The following MAGI1 variants were observed in gnomAD, a reference collection of about 807,000 sequenced individuals.
MAGI1 encodes the protein membrane-associated guanylate kinase, WW and PDZ domain-containing protein 1.
In MAGI1, 58 loss-of-function variants were observed where a neutral mutation model predicts 139.9. The observed-to-expected ratio is 0.41, with a 90% CI of 0.34 to 0.52. The LOEUF (loss-of-function observed/expected upper bound fraction) is 0.52. Ranked by LOEUF, MAGI1 falls within the 20% of genes least tolerant of loss-of-function variation. The pLI is 0.12. For missense variants in MAGI1, 1,874 were observed against 1,901.6 expected, an observed-to-expected ratio of 0.99 and a Z score of 0.27; for synonymous variants, 812 against 737.9, an observed-to-expected ratio of 1.10 and a Z score of -1.63.
Position 65,646,081 on chromosome 3 carries a change from T to G in MAGI1, c.314-23993A>C, listed in dbSNP as rs537239630. Among the ~76,000 whole-genome samples, 6 of 152,084 alleles carry G rather than the reference T, an allele frequency of 3.9e-5. 1 individual carries two copies. In the South Asian group the frequency reaches 1.2e-3, roughly 32 times the overall value. ...ATAATTACATGAAGTGTAAATCACC[T>G]AAACACACCAATTAAAAGACAGAGG... On this transcript the variant is annotated intron_variant, in intron 1 of 22. Coordinates refer to ENST00000402939, the MANE Select transcript of MAGI1 (RefSeq NM_001033057.2).
intron 9 of MAGI1, among the ~76,000 whole-genome samples, chr3:65,439,055 G>A (rs1948050542): frequency 6.6e-6 from 1 of 152,022 alleles, no homozygotes; most frequent in South Asian, 2.1e-4. Context: ...TATATTGATG[G>A]GAGTATTAAG....
At chr3:65,827,280 G>A (rs1386788801) in intron 1 of MAGI1, among the ~76,000 whole-genome samples, 2 of 152,040 alleles carry the variant, frequency 1.3e-5, no homozygotes, top group Non-Finnish European at 1.5e-5. Flanking sequence ...TCAGAATGTC[G>A]AAAGTTGATG....
chr3:65,542,079 G>T (rs568133057), intron 2 of MAGI1, among the ~76,000 whole-genome samples: 1 of 152,236 alleles, frequency 6.6e-6, no homozygotes, highest in East Asian at 1.9e-4. Flanking sequence ...AAAGTCTCAG[G>T]ATAGAAAATC....
chr3:65,952,554 C>T (rs2063916095), intron 1 of MAGI1, among the ~76,000 whole-genome samples: 1 of 152,256 alleles, frequency 6.6e-6, no homozygotes, highest in Admixed American at 6.5e-5. Flanking sequence ...GTGGCTCGCG[C>T]CTGTAATCCC....
chr3:65,430,885 G>C lies in MAGI1; in HGVS notation c.1364-4C>G. ...TTTCGTGTAAAAAAGGGTTTGCCTG[G>C]ATTAAAATAAGAAACGCATAAGGAA... On this transcript the variant is annotated splice_region_variant and splice_polypyrimidine_tract_variant and intron_variant, in intron 10 of 22. Transcript: ENST00000402939. 1 of 1,612,364 alleles carries C rather than the reference G, an allele frequency of 6.2e-7. No individual in the cohort carries two copies. Among genetic ancestry groups the C allele is most frequent in the Non-Finnish European group, 8.5e-7 (1 of 1,179,286 alleles).
At chr3:65,714,403 C>T (rs1254545824) in intron 1 of MAGI1, among the ~76,000 whole-genome samples, 1 of 152,006 alleles carries the variant, frequency 6.6e-6, no homozygotes, top group African/African-American at 2.4e-5. Context: ...AGGCAGATTC[C>T]CCCAGCTCAG....
intron 12 of MAGI1, among the ~76,000 whole-genome samples, chr3:65,420,149 G>A (rs766485555): frequency 1.3e-5 from 2 of 152,138 alleles, no homozygotes; most frequent in Middle Eastern, 3.4e-3. Flanking sequence ...GTTACTGAGA[G>A]CCTGTCCCTT....
At chr3:65,686,307 GT>G (rs370100551) in intron 1 of MAGI1, among the ~76,000 whole-genome samples, 223 of 151,958 alleles carry the variant, frequency 1.5e-3, no homozygotes, top group African/African-American at 4.8e-3. Flanking sequence ...TTGTTTGTTT[GT>G]TTTTTTGGCA....
intron 1 of MAGI1, among the ~76,000 whole-genome samples, chr3:65,888,933 A>T (rs264713): frequency 0.069 from 10,533 of 152,240 alleles, 1,198 homozygotes; most frequent in African/African-American, 0.24. Flanking sequence ...TACAGATGCC[A>T]TATATGTGTG....
intron 1 of MAGI1, among the ~76,000 whole-genome samples, chr3:65,792,526 G>C (rs373244760): frequency 6.6e-6 from 1 of 151,932 alleles, no homozygotes; most frequent in East Asian, 1.9e-4. Context: ...AAAACTAATA[G>C]AATAGCTAAT....
chr3:65,864,428 T>A (rs1003314370), intron 1 of MAGI1, among the ~76,000 whole-genome samples: 1 of 152,162 alleles, frequency 6.6e-6, no homozygotes, highest in African/African-American at 2.4e-5. Flanking sequence ...GTGGAGGAAG[T>A]GGCCTGCTTT....
At chr3:65,481,132 T>C (rs1343596469) in intron 3 of MAGI1, among the ~76,000 whole-genome samples, 3 of 152,180 alleles carry the variant, frequency 2.0e-5, no homozygotes, top group African/African-American at 7.2e-5. Context: ...AACTCAATCA[T>C]TCAAGTGTTT....
At chr3:65,626,014 T>C (rs2083950399) in intron 1 of MAGI1, among the ~76,000 whole-genome samples, 1 of 152,198 alleles carries the variant, frequency 6.6e-6, no homozygotes, top group African/African-American at 2.4e-5. Flanking sequence ...GCTTGAGGTA[T>C]AAGGCACTCT....
intron 2 of MAGI1, among the ~76,000 whole-genome samples, chr3:65,604,404 A>G (rs1421046030): frequency 6.6e-6 from 1 of 151,940 alleles, no homozygotes; most frequent in Non-Finnish European, 1.5e-5. Flanking sequence ...GAGAAAGGCA[A>G]GCAAAACAAA....
At chr3:65,640,721 T>C (rs969014878) in intron 1 of MAGI1, among the ~76,000 whole-genome samples, 5 of 152,232 alleles carry the variant, frequency 3.3e-5, no homozygotes, top group African/African-American at 1.2e-4. Flanking sequence ...TCTCCGAATA[T>C]ATTGCTTATA....
At chr3:66,037,569 C>T (rs1159502279) in intron 1 of MAGI1, among the ~76,000 whole-genome samples, 1 of 151,920 alleles carries the variant, frequency 6.6e-6, no homozygotes, top group Admixed American at 6.5e-5. Flanking sequence ...ACTACAGACC[C>T]TCTCTTTCTG....
intron 2 of MAGI1, among the ~76,000 whole-genome samples, chr3:65,528,369 T>C (rs2107830794): frequency 6.6e-6 from 1 of 152,302 alleles, no homozygotes; most frequent in African/African-American, 2.4e-5. Flanking sequence ...ATAGCCGAAG[T>C]CCTTCATTCA....
chr3:65,611,383 A>G (rs1300893447), intron 2 of MAGI1, among the ~76,000 whole-genome samples: 1 of 143,512 alleles, frequency 7.0e-6, no homozygotes, highest in East Asian at 2.1e-4. Context: ...ACATATATAC[A>G]GAACACTGTA....
At chr3:65,505,142 C>T (rs1277007490) in intron 2 of MAGI1, among the ~76,000 whole-genome samples, 1 of 152,144 alleles carries the variant, frequency 6.6e-6, no homozygotes, top group Non-Finnish European at 1.5e-5. Flanking sequence ...CAGATAGACT[C>T]TCTCCATTAT....
Sources: allele counts gnomAD v4.1 joint callset (sites outside exome capture counted in the v4.1 genomes callset), GRCh38; gene constraint gnomAD v4.1.1; transcripts MANE v1.5; gene names NCBI Gene and HGNC (gene_info 2026-07-23, HGNC 2026-07-21).